TTC6: variants seen among roughly 807,000 people sequenced by gnomAD.
TTC6 encodes the protein tetratricopeptide repeat protein 6.
In TTC6, 172 loss-of-function variants were observed where a neutral mutation model predicts 210.4. That is an observed-to-expected ratio of 0.82 (90% CI 0.72 to 0.93). TTC6 has a LOEUF of 0.93. Among genes scored for constraint, TTC6 ranks in the 40% least tolerant of loss-of-function variants. The pLI is 0.00. For synonymous variants in TTC6, 804 were observed against 819.6 expected (o/e 0.98, Z 0.32); for missense variants, 2,414 against 2,318.1 (o/e 1.04, Z -0.85).
intron 6 of TTC6, among the ~76,000 whole-genome samples, chr14:37,718,555 GA>G (rs112513485): frequency 1.3e-5 from 2 of 151,680 alleles, no homozygotes; most frequent in Non-Finnish European, 1.5e-5. Context: ...CAAGAAGTGG[GA>G]AAAAAAAGCT....
intron 3 of TTC6, among the ~76,000 whole-genome samples, chr14:37,688,756 G>T (rs181739647): frequency 1.6e-3 from 241 of 152,260 alleles, no homozygotes; most frequent in African/African-American, 5.5e-3. Flanking sequence ...TACTGGGCTT[G>T]GGGTCCCCCG....
intron 20 of TTC6, 76 bp downstream of exon 22, chr14:37,797,023 A>T: frequency 7.8e-7 from 1 of 1,274,370 alleles, no homozygotes. Flanking sequence ...ACCACTTTAA[A>T]TATTTTTCAC....
intron 3 of TTC6, among the ~76,000 whole-genome samples, chr14:37,686,595 G>T (rs1236758916): frequency 6.6e-6 from 1 of 152,160 alleles, no homozygotes; most frequent in Non-Finnish European, 1.5e-5. Flanking sequence ...AAAGAAAGAG[G>T]TTTAATGGGC....
chr14:37,818,761 C>G (rs539610960), intron 26 of TTC6, among the ~76,000 whole-genome samples: 15 of 152,040 alleles, frequency 9.9e-5, no homozygotes, highest in African/African-American at 1.9e-4. Context: ...GACAGCAAAA[C>G]CCGGTCTTAC....
intron 1 of TTC6, among the ~76,000 whole-genome samples, chr14:37,671,532 A>T (rs2095758133): frequency 6.6e-6 from 1 of 152,196 alleles, no homozygotes; most frequent in Non-Finnish European, 1.5e-5. Flanking sequence ...TGAATTTTAT[A>T]TTAGTTAATA....
intron 1 of TTC6, among the ~76,000 whole-genome samples, chr14:37,660,025 C>T (rs948786788): frequency 5.3e-5 from 8 of 151,986 alleles, no homozygotes; most frequent in African/African-American, 1.9e-4. Context: ...GCATAGTTTG[C>T]AAAAATTTTC....
At chr14:37,714,107 T>A (rs926929072) in intron 5 of TTC6, among the ~76,000 whole-genome samples, 2 of 152,220 alleles carry the variant, frequency 1.3e-5, no homozygotes, top group African/African-American at 4.8e-5. Flanking sequence ...AAATTTTGAT[T>A]TATCTCATCT....
At chr14:37,766,457 C>T (rs2095999759) in intron 14 of TTC6, among the ~76,000 whole-genome samples, 1 of 152,116 alleles carries the variant, frequency 6.6e-6, no homozygotes, top group Admixed American at 6.6e-5. Context: ...TGAGAACATG[C>T]AGTATTTGGT....
chr14:37,613,338 A>G (rs1318035643), intron 2 of TTC6, among the ~76,000 whole-genome samples: 1 of 152,118 alleles, frequency 6.6e-6, no homozygotes, highest in Admixed American at 6.5e-5. Flanking sequence ...GATAAACTCT[A>G]TTTGGTCAAA....
In TTC6 at chr14:37,751,296, G is replaced by C. The variant is rs1052592334; in HGVS notation, c.3129+71G>C. The stretch of plus-strand genomic sequence containing the variant: ...GCGATATCCTCATGCAAATAGTACA[G>C]CAAGTTTTTGAAGGTCTTTTTGTAT... On this transcript the variant is annotated intron_variant, in intron 13 of 30. Coordinates refer to ENST00000553443, the Ensembl canonical transcript of TTC6. 43 of 1,154,518 alleles carry C rather than the reference G, an allele frequency of 3.7e-5. No homozygotes were observed. In the African/African-American group the frequency reaches 6.5e-4, roughly 17 times the overall value. The allele number at this position is 1,154,518 out of a possible 1,614,324, so 71.5% of individuals were successfully genotyped here.
chr14:37,678,570 G>A (rs1457333815), intron 1 of TTC6, among the ~76,000 whole-genome samples: 1 of 152,098 alleles, frequency 6.6e-6, no homozygotes, highest in Non-Finnish European at 1.5e-5. Flanking sequence ...TCTGATTTCT[G>A]TCTCTTCAAT....
intron 14 of TTC6, chr14:37,772,415 T>C: frequency 1.2e-5 from 2 of 170,334 alleles, no homozygotes; most frequent in Non-Finnish European, 1.2e-5. Flanking sequence ...CGCTGCCGCC[T>C]TGCAGTTTGA....
At chr14:37,723,280 T>C (rs1025445873) in intron 6 of TTC6, among the ~76,000 whole-genome samples, 22 of 152,112 alleles carry the variant, frequency 1.4e-4, no homozygotes, top group Non-Finnish European at 2.8e-4. Flanking sequence ...TTGGGGAATA[T>C]AATTAAAAAC....
At chr14:37,614,468 A>G (rs1403438889) in intron 2 of TTC6, among the ~76,000 whole-genome samples, 1 of 152,144 alleles carries the variant, frequency 6.6e-6, no homozygotes, top group African/African-American at 2.4e-5. Context: ...TTCGTACATT[A>G]TTTTTAAACT....
intron 14 of TTC6, among the ~76,000 whole-genome samples, chr14:37,762,478 C>G (rs554303354): frequency 6.6e-6 from 1 of 152,306 alleles, no homozygotes; most frequent in Non-Finnish European, 1.5e-5. Flanking sequence ...AAATCCTCGC[C>G]AAATTTGTTA....
chr14:37,636,426 T>G (rs923658725), intron 1 of TTC6, among the ~76,000 whole-genome samples: 1 of 152,190 alleles, frequency 6.6e-6, no homozygotes, highest in Non-Finnish European at 1.5e-5. Context: ...GACTGTATTC[T>G]CTGACCCTAT....
At chr14:37,642,181 C>T (rs1413620288) in intron 1 of TTC6, among the ~76,000 whole-genome samples, 1 of 152,188 alleles carries the variant, frequency 6.6e-6, no homozygotes, top group African/African-American at 2.4e-5. Flanking sequence ...GGTCCCATAG[C>T]CTCCGCTGGT....
chr14:37,768,836 A>G (rs1279378044), intron 14 of TTC6, among the ~76,000 whole-genome samples: 5 of 151,862 alleles, frequency 3.3e-5, no homozygotes, highest in South Asian at 2.1e-4. Context: ...TTCCAACACT[A>G]TGTTGAATAG....
Position 37,782,646 on chromosome 14 carries a change from C to G in TTC6, c.3267-4822C>G, listed in dbSNP as rs1160886288. On this transcript the variant is annotated intron_variant, in intron 14 of 30. Coordinates refer to ENST00000553443, the Ensembl canonical transcript of TTC6. ...CTTTCTCCTGCCTAATTGCCCTGGC[C>G]AGAACTTCCAACACTATGTTGAATA... Among the ~76,000 whole-genome samples the G allele has an allele frequency of 5.3e-5, 8 of 152,214 alleles. No individual in the cohort carries two copies. The East Asian group carries it at 9.7e-4, about 18-fold the overall frequency.
Sources: gnomAD v4.1 joint callset for allele counts (sites outside exome capture counted in the v4.1 genomes callset) on GRCh38, gnomAD v4.1.1 for gene constraint, MANE v1.5 for transcripts, NCBI Gene and HGNC (gene_info 2026-07-23, HGNC 2026-07-21) for gene names.